Variants in NFX1 observed in about 807,000 individuals in gnomAD.
The protein encoded by NFX1 is nuclear transcription factor, X-box binding 1.
In NFX1, 69 loss-of-function variants were observed where a neutral mutation model predicts 137.2. The ratio of observed to expected loss-of-function variants is 0.50; its 90% confidence interval spans 0.41 to 0.61. The LOEUF (loss-of-function observed/expected upper bound fraction) is 0.61. NFX1 is among the 20% of genes least tolerant of loss of function. The pLI is 0.00. For synonymous variants in NFX1, 495 were observed against 474.1 expected, an observed-to-expected ratio of 1.04 and a Z score of -0.57; for missense variants, 1,167 against 1,391.0, an observed-to-expected ratio of 0.84 and a Z score of 2.56.
chr9:33,319,122 C>A lies in NFX1; in HGVS notation c.1901C>A (p.Ser634Tyr), dbSNP rs752107545. The A allele has an allele frequency of 4.3e-6, 7 of 1,613,976 alleles. No individual in the cohort carries two copies. The South Asian group carries it at 7.7e-5, about 18-fold the overall frequency. The change falls in exon 9 of 24, where the codon TCC becomes TAC. Residue 634 changes from serine to tyrosine, a missense_variant. Ser to Tyr is a moderately radical substitution (Grantham distance 144, BLOSUM62 -2). Transcript: ENST00000379540. The part of the protein sequence containing the change: ...KVCGKPLPCG[S>Y]LDFIHTCEKL... Reference sequence around the variant, plus strand: ...TGCGGCAAGCCTCTGCCTTGTGGTTCCTTAGGTAACTAGTAAGCGTAAAGT... The same window carrying A: ...TGCGGCAAGCCTCTGCCTTGTGGTTACTTAGGTAACTAGTAAGCGTAAAGT...
At chr9:33,342,131 C>A (rs1406735480) in intron 12 of NFX1, among the ~76,000 whole-genome samples, 1 of 128,258 alleles carries the variant, frequency 7.8e-6, no homozygotes, top group Non-Finnish European at 1.7e-5. Flanking sequence ...CTCTCTCTCA[C>A]ACACACACAC....
rs561000626 is a variant in NFX1 at position 33,325,638 on chromosome 9, T to TG, written c.1907-2940dup. 1.0e-3 allele frequency among the ~76,000 whole-genome samples: 159 copies of TG among 152,112 alleles called. 1 individual carries two copies. The highest frequency in any genetic ancestry group is 2.9e-3 in the Admixed American group (44 of 15,258). Reference sequence around the variant, plus strand: ...GAGATTGCGCCACTGCACTCCAGCCTGGGCAACAGAGAGAGACTCTGTCTC... The same window carrying TG: ...GAGATTGCGCCACTGCACTCCAGCCTGGGGCAACAGAGAGAGACTCTGTCTC... On this transcript the variant is annotated intron_variant, in intron 9 of 23. Transcript: ENST00000379540.
intron 9 of NFX1, among the ~76,000 whole-genome samples, chr9:33,322,345 C>T (rs1393927123): frequency 6.6e-6 from 1 of 151,870 alleles, no homozygotes; most frequent in Non-Finnish European, 1.5e-5. Flanking sequence ...CTTCCTCCTC[C>T]CCTCAGCTCA....
chr9:33,368,450 A>G (rs1249402912), intron 23 of NFX1, among the ~76,000 whole-genome samples: 1 of 152,194 alleles, frequency 6.6e-6, no homozygotes, highest in Non-Finnish European at 1.5e-5. Context: ...AGGAGCAGGG[A>G]AGGAGCTCTG....
intron 1 of NFX1, among the ~76,000 whole-genome samples, chr9:33,291,555 A>C (rs1319961262): frequency 1.3e-5 from 2 of 152,202 alleles, no homozygotes; most frequent in Admixed American, 1.3e-4. Context: ...AAGACCATAT[A>C]TGTATTTGTA....
At chr9:33,351,894 G>A in intron 16 of NFX1, 104 bp downstream of exon 16, 1 of 998,868 alleles carries the variant, frequency 1.0e-6, no homozygotes, top group Non-Finnish European at 1.4e-6. Context: ...TTAATTAAGG[G>A]TCATTGGTTG....
intron 21 of NFX1, 152 bp downstream of exon 21, chr9:33,364,926 C>G (rs760484173): frequency 5.1e-5 from 74 of 1,457,202 alleles, no homozygotes; most frequent in Non-Finnish European, 6.0e-5. Context: ...CAAAACACAG[C>G]CATTATAACA....
rs1824289135 is a variant in NFX1 at position 33,370,277 on chromosome 9, T to A, written c.*299T>A. 4.2e-6 allele frequency: 1 copy of A among 239,696 alleles called. No individual in the cohort carries two copies. Among genetic ancestry groups the A allele is most frequent in the South Asian group, 1.4e-4 (1 of 7,050 alleles). The allele number at this position is 239,696 out of a possible 1,614,324, so 14.8% of individuals were successfully genotyped here. On this transcript the variant is annotated 3_prime_UTR_variant, in exon 24 of 24. Transcript: ENST00000379540. ...CTGAGAGTTGAGGGACTATTGGGCT[T>A]TATTTGGACAAACCAAACTTTTAGC... is the stretch of plus-strand genomic sequence containing the variant.
intron 2 of NFX1, among the ~76,000 whole-genome samples, chr9:33,299,934 G>A (rs1587817976): frequency 6.6e-6 from 1 of 152,018 alleles, no homozygotes; most frequent in Non-Finnish European, 1.5e-5. Flanking sequence ...ATTACAGTGT[G>A]CGCTTTTGAG....
At chr9:33,352,014 CTG>C in intron 16 of NFX1, 1 of 493,128 alleles carries the variant, frequency 2.0e-6, no homozygotes, top group South Asian at 3.5e-5. Flanking sequence ...GGACCACAGT[CTG>C]TGTCTCCCTT....
chr9:33,325,479 C>T (rs844217), intron 9 of NFX1, among the ~76,000 whole-genome samples: 6 of 152,168 alleles, frequency 3.9e-5, no homozygotes, highest in Middle Eastern at 3.4e-3. Context: ...CTGGCTAACA[C>T]GGTGAAACCC....
intron 19 of NFX1, among the ~76,000 whole-genome samples, chr9:33,355,672 T>G: frequency 6.6e-6 from 1 of 150,806 alleles, no homozygotes; most frequent in Non-Finnish European, 1.5e-5. Flanking sequence ...GAGATGGAGT[T>G]TTTCTCTTGT....
chr9:33,308,321 A>G (rs1821835183), intron 5 of NFX1, among the ~76,000 whole-genome samples: 2 of 152,178 alleles, frequency 1.3e-5, no homozygotes, highest in Admixed American at 1.3e-4. Flanking sequence ...ACACACCTGT[A>G]GTCCCAGCTA....
intron 4 of NFX1, among the ~76,000 whole-genome samples, chr9:33,306,355 T>G (rs1821753823): frequency 6.6e-6 from 1 of 152,202 alleles, no homozygotes. Context: ...ATAAAGCCAG[T>G]TTGAGGTGAC....
In NFX1 at chr9:33,310,998, A is replaced by G; in HGVS notation, c.1377-108A>G. 3.5e-6 allele frequency: 3 copies of G among 867,126 alleles called. No homozygotes were observed. In the Admixed American group the frequency reaches 6.4e-5, roughly 19 times the overall value. The allele number at this position is 867,126 out of a possible 1,614,324, so 53.7% of individuals were successfully genotyped here. On this transcript the variant is annotated intron_variant, in intron 5 of 23. Coordinates refer to ENST00000379540, the MANE Select transcript of NFX1 (RefSeq NM_002504.6). ...CTTTAAACAAATACAAAGACATGTC[A>G]TAGTAGATGTATTTGTTGCCATATT...
chr9:33,325,994 A>G (rs1822571687), intron 9 of NFX1, among the ~76,000 whole-genome samples: 1 of 152,242 alleles, frequency 6.6e-6, no homozygotes, highest in Non-Finnish European at 1.5e-5. Context: ...CTGTAGAAGT[A>G]TATTTGATAA....
intron 4 of NFX1, among the ~76,000 whole-genome samples, chr9:33,304,881 A>G (rs1564105845): frequency 1.3e-5 from 2 of 152,260 alleles, no homozygotes; most frequent in Admixed American, 1.3e-4. Flanking sequence ...GAAGGATTAC[A>G]TAAAGTACCA....
chr9:33,299,051 G>C (rs1269510253), intron 2 of NFX1, among the ~76,000 whole-genome samples: 1 of 152,208 alleles, frequency 6.6e-6, no homozygotes, highest in Non-Finnish European at 1.5e-5. Context: ...AAATGTTTCA[G>C]TTTGGAATAA....
At chr9:33,359,433 T>C (rs937642906) in intron 19 of NFX1, among the ~76,000 whole-genome samples, 4 of 152,070 alleles carry the variant, frequency 2.6e-5, no homozygotes, top group African/African-American at 9.7e-5. Flanking sequence ...ACCCTGTCTC[T>C]ACTAAAAATA....
Sources: allele counts gnomAD v4.1 joint callset (sites outside exome capture counted in the v4.1 genomes callset), GRCh38; gene constraint gnomAD v4.1.1; transcripts MANE v1.5; gene names NCBI Gene and HGNC (gene_info 2026-07-23, HGNC 2026-07-21).